Variants in KCNQ5 observed in about 807,000 individuals in gnomAD.
KCNQ5 encodes potassium voltage-gated channel subfamily Q member 5, also known as potassium voltage-gated channel subfamily KQT member 5.
Under a neutral mutation model 98.2 loss-of-function variants are expected in KCNQ5, and 30 were observed. The observed-to-expected ratio is 0.31, with a 90% CI of 0.23 to 0.41. The LOEUF (loss-of-function observed/expected upper bound fraction) is 0.41. Ranked by LOEUF, KCNQ5 falls within the 10% of genes least tolerant of loss-of-function variation. The pLI is 1.00. For missense variants in KCNQ5, 835 were observed against 1,182.5 expected (o/e 0.71, Z 4.31); for synonymous variants, 458 against 449.4 (o/e 1.02, Z -0.24).
chr6:72,722,107 G>A (rs1290982927), intron 1 of KCNQ5, among the ~76,000 whole-genome samples: 1 of 152,148 alleles, frequency 6.6e-6, no homozygotes, highest in African/African-American at 2.4e-5. Flanking sequence ...CTGAGCTAAG[G>A]AAGTTGAAAA....
rs2150528312 is a variant in KCNQ5 at position 73,195,146 on chromosome 6, T to C, written c.2531T>C (p.Ile844Thr). 1 of 1,614,226 alleles carries C rather than the reference T, an allele frequency of 6.2e-7. No homozygotes were observed. Among genetic ancestry groups the C allele is most frequent in the Middle Eastern group, 1.6e-4 (1 of 6,062 alleles). The change falls in exon 14 of 14, where the codon ATA (isoleucine) becomes ACA (threonine). Residue 844 changes from isoleucine to threonine, a missense_variant. This residue lies in a region of KCNQ5 where 416 missense variants were observed against 446.9 expected (regional missense o/e 0.93). Transcript: ENST00000370398. The part of the protein sequence containing the change: ...NLIRSTEELN[I>T]QLSGSESSGS... Reference sequence around the variant, plus strand: ...ATCAGGTCGACCGAGGAACTGAATATACAACTTTCAGGGAGTGAGTCAAGT... The same window carrying C: ...ATCAGGTCGACCGAGGAACTGAATACACAACTTTCAGGGAGTGAGTCAAGT...
intron 10 of KCNQ5, chr6:73,135,192 TAAC>T (rs1454922736): frequency 1.3e-5 from 2 of 148,976 alleles, no homozygotes; most frequent in African/African-American, 2.6e-5. Flanking sequence ...AGAAAGATGA[TAAC>T]AAAAAAATCA....
chr6:72,633,961 C>T (rs1238266030), intron 1 of KCNQ5, among the ~76,000 whole-genome samples: 1 of 152,152 alleles, frequency 6.6e-6, no homozygotes, highest in Non-Finnish European at 1.5e-5. Flanking sequence ...ATAGTTTTCT[C>T]AACATCAGCC....
At chr6:72,654,257 A>T (rs1046154317) in intron 1 of KCNQ5, among the ~76,000 whole-genome samples, 61 of 152,068 alleles carry the variant, frequency 4.0e-4, no homozygotes, top group Non-Finnish European at 6.5e-4. Context: ...AAGAGGTGAT[A>T]CTAAGTTGTG....
intron 10 of KCNQ5, among the ~76,000 whole-genome samples, chr6:73,142,225 C>G (rs1289396274): frequency 6.6e-6 from 1 of 151,892 alleles, no homozygotes; most frequent in African/African-American, 2.4e-5. Flanking sequence ...AAAGACCAAC[C>G]CTGTACAGTG....
At chr6:73,079,159 A>G (rs552256883) in intron 5 of KCNQ5, among the ~76,000 whole-genome samples, 37 of 152,096 alleles carry the variant, frequency 2.4e-4, no homozygotes, top group Non-Finnish European at 3.8e-4. Flanking sequence ...AAAATTAGCC[A>G]GGTGTGGTGG....
At chr6:72,828,275 G>A (rs568608405) in intron 1 of KCNQ5, among the ~76,000 whole-genome samples, 4 of 152,158 alleles carry the variant, frequency 2.6e-5, no homozygotes, top group Non-Finnish European at 4.4e-5. Context: ...AATGTCATTG[G>A]TATTTTGATA....
intron 12 of KCNQ5, among the ~76,000 whole-genome samples, 162 bp from the exon 13 acceptor site, chr6:73,192,403 C>T (rs1458011963): frequency 6.6e-6 from 1 of 152,176 alleles, no homozygotes; most frequent in East Asian, 1.9e-4. Context: ...TGTGTAATCT[C>T]ATGTTCAAAT....
chr6:72,997,836 T>C (rs1221817282), intron 1 of KCNQ5, among the ~76,000 whole-genome samples: 1 of 151,286 alleles, frequency 6.6e-6, no homozygotes, highest in Non-Finnish European at 1.5e-5. Flanking sequence ...AGTGATAGTA[T>C]TTATTGATTA....
At chr6:72,902,069 G>A (rs576151025) in intron 1 of KCNQ5, among the ~76,000 whole-genome samples, 10 of 152,066 alleles carry the variant, frequency 6.6e-5, no homozygotes, top group South Asian at 6.2e-4. Context: ...TCACCTCCTC[G>A]GTTAGGTATA....
intron 1 of KCNQ5, among the ~76,000 whole-genome samples, chr6:72,656,224 C>T (rs1356072738): frequency 6.6e-6 from 1 of 152,134 alleles, no homozygotes; most frequent in Non-Finnish European, 1.5e-5. Context: ...ACTGGGGACC[C>T]AGGACCACAC....
chr6:73,030,047 A>G (rs1771070058), intron 2 of KCNQ5, among the ~76,000 whole-genome samples: 1 of 152,176 alleles, frequency 6.6e-6, no homozygotes, highest in African/African-American at 2.4e-5. Context: ...TACACTGTGA[A>G]GATTCACATG....
chr6:72,702,255 G>A (rs1472393004), intron 1 of KCNQ5, among the ~76,000 whole-genome samples: 2 of 152,158 alleles, frequency 1.3e-5, no homozygotes, highest in Non-Finnish European at 2.9e-5. Context: ...GATACATTAT[G>A]AGTGTGAGGT....
intron 7 of KCNQ5, among the ~76,000 whole-genome samples, chr6:73,113,195 A>G (rs747346508): frequency 6.6e-6 from 1 of 152,172 alleles, no homozygotes; most frequent in Non-Finnish European, 1.5e-5. Context: ...AATACTTCTA[A>G]TAAGTTTTTC....
chr6:72,941,538 C>CG (rs1766282295), intron 1 of KCNQ5, among the ~76,000 whole-genome samples: 1 of 116,264 alleles, frequency 8.6e-6, no homozygotes, highest in African/African-American at 3.0e-5. Flanking sequence ...CTCCTTCCCT[C>CG]CTTCCTTTCC....
intron 1 of KCNQ5, among the ~76,000 whole-genome samples, chr6:72,908,949 C>CA (rs372957774): frequency 9.1e-4 from 139 of 152,024 alleles, no homozygotes; most frequent in African/African-American, 3.0e-3. Flanking sequence ...TTATAAATTG[C>CA]AAAAAATGCA....
Position 73,095,519 on chromosome 6 carries a change from A to T in KCNQ5, c.919-9738A>T, listed in dbSNP as rs115147858. 8.2e-3 allele frequency among the ~76,000 whole-genome samples: 1,247 copies of T among 152,220 alleles called. 17 individuals are homozygous for T. The highest frequency in any genetic ancestry group is 0.028 in the African/African-American group (1,152 of 41,546). Reference sequence around the variant, plus strand: ...AACTTTGTTTTGTCATATTAACAGAATCGGTTTCTGGTTCCTTCTTATTTG... The same window carrying T: ...AACTTTGTTTTGTCATATTAACAGATTCGGTTTCTGGTTCCTTCTTATTTG... On this transcript the variant is annotated intron_variant, in intron 5 of 13. Coordinates refer to ENST00000370398, the MANE Select transcript of KCNQ5 (RefSeq NM_019842.4).
intron 10 of KCNQ5, among the ~76,000 whole-genome samples, chr6:73,161,266 A>C (rs1405646932): frequency 1.3e-5 from 2 of 152,346 alleles, no homozygotes; most frequent in Non-Finnish European, 2.9e-5. Flanking sequence ...AGTGGATCTC[A>C]TGAAGACAGA....
chr6:73,159,693 A>G (rs1777532066), intron 10 of KCNQ5, among the ~76,000 whole-genome samples: 1 of 152,176 alleles, frequency 6.6e-6, no homozygotes, highest in Non-Finnish European at 1.5e-5. Context: ...AAGGCTGAAT[A>G]ATTTTCAGTC....
Sources: gnomAD v4.1 joint callset for allele counts (sites outside exome capture counted in the v4.1 genomes callset) on GRCh38, gnomAD v4.1.1 for gene constraint, gnomAD v4.1.1 regional missense constraint, MANE v1.5 for transcripts, NCBI Gene and HGNC (gene_info 2026-07-23, HGNC 2026-07-21) for gene names.